The following RNF157 variants were observed in gnomAD, a reference collection of about 807,000 sequenced individuals.
RNF157 encodes the protein E3 ubiquitin ligase RNF157.
In RNF157, 55 loss-of-function variants were observed where a neutral mutation model predicts 88.3. That is an observed-to-expected ratio of 0.62 (90% CI 0.50 to 0.78). The LOEUF (loss-of-function observed/expected upper bound fraction) is 0.78. RNF157 is among the 30% of genes least tolerant of loss of function. The pLI is 0.00. For missense variants in RNF157, 788 were observed against 860.8 expected (o/e 0.92, Z 1.06); for synonymous variants, 334 against 341.2 (o/e 0.98, Z 0.23).
At chr17:76,164,611 T>TG in intron 8 of RNF157, 137 bp downstream of exon 8, 3 of 402,494 alleles carry the variant, frequency 7.5e-6, no homozygotes, top group Non-Finnish European at 8.5e-6. Context: ...CTTCTTTGAT[T>TG]AAAAAAAAAA....
intron 2 of RNF157, among the ~76,000 whole-genome samples, chr17:76,179,174 G>A (rs1173020772): frequency 6.6e-6 from 1 of 152,106 alleles, no homozygotes; most frequent in Non-Finnish European, 1.5e-5. Context: ...CAGAAAGATC[G>A]CTTGAGCTTA....
At chr17:76,228,042 G>GC (rs2070123844) in intron 1 of RNF157, among the ~76,000 whole-genome samples, 1 of 151,874 alleles carries the variant, frequency 6.6e-6, no homozygotes, top group Admixed American at 6.6e-5. Flanking sequence ...GTTGCTTCCT[G>GC]TTTTTTACAA....
At chr17:76,189,549 A>G (rs1273870885) in intron 2 of RNF157, among the ~76,000 whole-genome samples, 1 of 152,226 alleles carries the variant, frequency 6.6e-6, no homozygotes, top group Non-Finnish European at 1.5e-5. Context: ...ATCATGGTTT[A>G]GTCAGGAAAA....
At chr17:76,145,553 C>T (rs2068572310) in intron 18 of RNF157, 200 bp from the exon 19 acceptor site, 1 of 534,086 alleles carries the variant, frequency 1.9e-6, no homozygotes, top group Non-Finnish European at 3.3e-6. Flanking sequence ...CTGCTCCTGC[C>T]CCCTGGGCTA....
rs1598387563 is a variant in RNF157 at position 76,154,332 on chromosome 17, G to A, written c.1765-4C>T. 6.2e-7 allele frequency: 1 copy of A among 1,610,330 alleles called. No individual in the cohort carries two copies. Among genetic ancestry groups the A allele is most frequent in the African/African-American group, 1.3e-5 (1 of 74,962 alleles). The stretch of plus-strand genomic sequence containing the variant: ...CTTCCTCTATAACATCATTTCCCTA[G>A]GACAGAAGGAAGGCCCTGTGAGTCT... On this transcript the variant is annotated splice_region_variant and splice_polypyrimidine_tract_variant and intron_variant, in intron 16 of 18. Transcript: ENST00000269391.
chr17:76,191,234 G>T (rs2069379562), intron 2 of RNF157, among the ~76,000 whole-genome samples: 1 of 151,878 alleles, frequency 6.6e-6, no homozygotes, highest in African/African-American at 2.4e-5. Context: ...CCAGTACTTT[G>T]GGAAGCTGAG....
intron 18 of RNF157, among the ~76,000 whole-genome samples, chr17:76,149,532 C>T (rs960021623): frequency 1.3e-5 from 2 of 152,160 alleles, no homozygotes; most frequent in South Asian, 2.1e-4. Context: ...ATTTATTCCA[C>T]GGGACCTACC....
chr17:76,167,066 A>T lies in RNF157; in HGVS notation c.504T>A (p.Cys168Ter). The T allele has an allele frequency of 6.2e-7, 1 of 1,613,284 alleles. No individual in the cohort carries two copies. Among genetic ancestry groups the T allele is most frequent in the Non-Finnish European group, 8.5e-7 (1 of 1,179,930 alleles). Residue 168 changes from cysteine to a stop codon, truncating the protein, a stop_gained, in exon 5 of 19, where the codon TGT becomes TGA. Coordinates refer to ENST00000269391, the MANE Select transcript of RNF157 (RefSeq NM_052916.3). LOFTEE classifies it high-confidence loss of function. ...SETVQYKRGV[C>*]QQFCLPSHTV... The stretch of plus-strand genomic sequence containing the variant: ...TGTGGGAGGGCAGGCAGAACTGCTG[A>T]CACACTCCTCGCTTGTACTGCACAG...
At chr17:76,164,829 G>A (rs187908189) in intron 7 of RNF157, 34 bp from the exon 8 acceptor site, 80 of 1,551,690 alleles carry the variant, frequency 5.2e-5, no homozygotes, top group East Asian at 2.5e-4. Context: ...TGACAAGGAA[G>A]GGAGGGTAAT....
Position 76,204,766 on chromosome 17 carries a change from T to TTTTC in RNF157, c.207+7594_207+7597dup, listed in dbSNP as rs1303600890. 9.3e-3 allele frequency among the ~76,000 whole-genome samples: 1,405 copies of TTTTC among 150,658 alleles called. 18 individuals are homozygous for TTTTC. Among genetic ancestry groups the TTTTC allele is most frequent in the African/African-American group, 0.029 (1,176 of 40,196 alleles). ...AAGTACACTGTATGCATCTTATTTC[T>TTTTC]TTTCTTTCTTTCTTTCTTTTTTTTT... On this transcript the variant is annotated intron_variant, in intron 2 of 18. Transcript: ENST00000269391.
chr17:76,177,854 C>T (rs2069130089), intron 2 of RNF157, among the ~76,000 whole-genome samples: 1 of 152,114 alleles, frequency 6.6e-6, no homozygotes, highest in East Asian at 1.9e-4. Flanking sequence ...ACTCCAGGGC[C>T]TCCTCTCTGC....
At chr17:76,189,686 C>T (rs2069350922) in intron 2 of RNF157, among the ~76,000 whole-genome samples, 1 of 152,138 alleles carries the variant, frequency 6.6e-6, no homozygotes, top group African/African-American at 2.4e-5. Flanking sequence ...GAAACGGTTT[C>T]CATCCCCATG....
intron 5 of RNF157, among the ~76,000 whole-genome samples, 161 bp downstream of exon 5, chr17:76,166,848 A>G (rs1221512374): frequency 6.6e-6 from 1 of 152,174 alleles, no homozygotes; most frequent in African/African-American, 2.4e-5. Flanking sequence ...TCCTTGATGC[A>G]AAATAAGCAG....
intron 2 of RNF157, among the ~76,000 whole-genome samples, chr17:76,184,668 C>G (rs563504432): frequency 6.6e-6 from 1 of 152,318 alleles, no homozygotes; most frequent in South Asian, 2.1e-4. Context: ...GAGCCAATCA[C>G]CAGCTTAGAA....
intron 2 of RNF157, among the ~76,000 whole-genome samples, chr17:76,187,401 G>C (rs2069310962): frequency 6.6e-6 from 1 of 151,618 alleles, no homozygotes; most frequent in Non-Finnish European, 1.5e-5. Flanking sequence ...GGCCAGGCTG[G>C]TCTTGAACTC....
At chr17:76,224,447 A>G (rs184163680) in intron 1 of RNF157, among the ~76,000 whole-genome samples, 1 of 152,298 alleles carries the variant, frequency 6.6e-6, no homozygotes, top group African/African-American at 2.4e-5. Context: ...GTAAATTTTC[A>G]TATATTTGAA....
chr17:76,162,489 G>A (rs1379403045), intron 9 of RNF157, 63 bp downstream of exon 9: 6 of 1,263,686 alleles, frequency 4.7e-6, no homozygotes, highest in Non-Finnish European at 6.9e-6. Context: ...TCTGGACGCT[G>A]GCTTACGATT....
At chr17:76,180,835 C>T (rs2069177164) in intron 2 of RNF157, among the ~76,000 whole-genome samples, 1 of 152,166 alleles carries the variant, frequency 6.6e-6, no homozygotes. Flanking sequence ...CATTATCGTG[C>T]GGCCATCACC....
intron 2 of RNF157, among the ~76,000 whole-genome samples, chr17:76,205,865 T>C (rs994968421): frequency 2.6e-5 from 4 of 152,146 alleles, no homozygotes; most frequent in African/African-American, 9.7e-5. Context: ...ATACAGACTA[T>C]TAGGAACTAG....
Sources: gnomAD v4.1 joint callset for allele counts (sites outside exome capture counted in the v4.1 genomes callset) on GRCh38, gnomAD v4.1.1 for gene constraint, MANE v1.5 for transcripts, NCBI Gene and HGNC (gene_info 2026-07-23, HGNC 2026-07-21) for gene names.